The following TMEM156 variants were observed in gnomAD, a reference collection of about 807,000 sequenced individuals.
The protein encoded by TMEM156 is transmembrane protein 156.
A neutral mutation model predicts 30.5 loss-of-function variants in TMEM156; 28 were observed. The observed-to-expected ratio is 0.92, with a 90% CI of 0.68 to 1.26. The LOEUF is 1.26. TMEM156 is among the 50% of genes most tolerant of loss of function. The pLI, the probability that TMEM156 is intolerant of heterozygous loss-of-function variation, is 0.00. For missense variants in TMEM156, 351 were observed against 340.6 expected (o/e 1.03, Z -0.24); for synonymous variants, 137 against 119.9 (o/e 1.14, Z -0.93).
intron 1 of TMEM156, among the ~76,000 whole-genome samples, chr4:39,009,690 TC>T: frequency 6.6e-6 from 1 of 152,104 alleles, no homozygotes; most frequent in East Asian, 1.9e-4. Context: ...TTCAATAAAA[TC>T]CAACATTTTT....
intron 1 of TMEM156, among the ~76,000 whole-genome samples, chr4:39,003,717 C>T (rs1014076426): frequency 6.6e-6 from 1 of 152,136 alleles, no homozygotes; most frequent in African/African-American, 2.4e-5. Flanking sequence ...TCTGATGGAA[C>T]TCCATAATCT....
chr4:38,969,473 C>T (rs1722495825), intron 6 of TMEM156, among the ~76,000 whole-genome samples: 1 of 152,232 alleles, frequency 6.6e-6, no homozygotes, highest in African/African-American at 2.4e-5. Flanking sequence ...ATCCATTCAC[C>T]TGTTGATGGG....
At chr4:39,024,460 G>T (rs985711753) in intron 1 of TMEM156, among the ~76,000 whole-genome samples, 3 of 152,192 alleles carry the variant, frequency 2.0e-5, no homozygotes, top group African/African-American at 7.2e-5. Context: ...TAAAGAAAAT[G>T]TGGTATTATA....
intron 3 of TMEM156, among the ~76,000 whole-genome samples, chr4:38,992,982 C>T (rs1484576699): frequency 2.0e-5 from 3 of 150,716 alleles, no homozygotes; most frequent in South Asian, 4.2e-4. Context: ...AGGATGGTCT[C>T]GAACTCCTGA....
intron 1 of TMEM156, among the ~76,000 whole-genome samples, chr4:39,020,268 G>C (rs898576575): frequency 6.6e-6 from 1 of 152,158 alleles, no homozygotes; most frequent in East Asian, 1.9e-4. Flanking sequence ...ATGGATATGG[G>C]AGTTCAGAGT....
At chr4:38,984,758 C>A (rs1266829042) in intron 5 of TMEM156, among the ~76,000 whole-genome samples, 1 of 152,044 alleles carries the variant, frequency 6.6e-6, no homozygotes, top group African/African-American at 2.4e-5. Flanking sequence ...GACGCTAAGC[C>A]TCAAAAGGGT....
At chr4:39,006,992 G>A (rs1713783516) in intron 1 of TMEM156, among the ~76,000 whole-genome samples, 1 of 152,024 alleles carries the variant, frequency 6.6e-6, no homozygotes, top group Non-Finnish European at 1.5e-5. Flanking sequence ...TATACAGTAC[G>A]ATGTGTGGAA....
At chr4:38,985,852 A>C (rs1711942687) in intron 5 of TMEM156, among the ~76,000 whole-genome samples, 3 of 152,134 alleles carry the variant, frequency 2.0e-5, no homozygotes, top group Admixed American at 2.0e-4. Flanking sequence ...AGCCCCCATC[A>C]CTGCTCTAAT....
chr4:39,011,841 A>G (rs1167529011), intron 1 of TMEM156, among the ~76,000 whole-genome samples: 3 of 152,202 alleles, frequency 2.0e-5, no homozygotes, highest in Non-Finnish European at 4.4e-5. Context: ...AGCCATAAAA[A>G]AGATTGAAAT....
At chr4:38,970,362 T>A (rs1722538944) in intron 6 of TMEM156, among the ~76,000 whole-genome samples, 2 of 152,120 alleles carry the variant, frequency 1.3e-5, no homozygotes, top group Non-Finnish European at 2.9e-5. Flanking sequence ...CAATATCAAT[T>A]TCCTGATAGG....
intron 1 of TMEM156, among the ~76,000 whole-genome samples, chr4:39,021,101 G>A (rs1370982174): frequency 6.6e-6 from 1 of 152,118 alleles, no homozygotes; most frequent in Admixed American, 6.5e-5. Context: ...CCATTTGTAT[G>A]TCTTCTTTCA....
chr4:38,985,121 C>T (rs1028461201), intron 5 of TMEM156, among the ~76,000 whole-genome samples: 21 of 152,196 alleles, frequency 1.4e-4, no homozygotes, highest in African/African-American at 5.1e-4. Flanking sequence ...AAACTGTCCT[C>T]ATATTTGGAC....
chr4:38,986,611 A>AGCCTGTCCT (rs1712005279), intron 4 of TMEM156, among the ~76,000 whole-genome samples, 192 bp from the exon 5 acceptor site: 1 of 151,862 alleles, frequency 6.6e-6, no homozygotes, highest in South Asian at 2.1e-4. Context: ...GTTCGAACCC[A>AGCCTGTCCT]GCCTGGCCAA....
Position 38,968,078 on chromosome 4 carries a change from C to T in TMEM156, c.*39-437G>A, listed in dbSNP as rs142801120. Among the ~76,000 whole-genome samples, 293 of 152,298 alleles carry T rather than the reference C, an allele frequency of 1.9e-3. 2 individuals are homozygous for T. Among genetic ancestry groups the T allele is most frequent in the African/African-American group, 6.2e-3 (259 of 41,560 alleles). On this transcript the variant is annotated intron_variant, in intron 6 of 6. Coordinates refer to ENST00000381938, the MANE Select transcript of TMEM156 (RefSeq NM_024943.3). The stretch of plus-strand genomic sequence containing the variant: ...TGACCCCAGGACTGATTCTGTGTTA[C>T]GCCATGACACCCCCCATTATATCCC...
chr4:38,986,814 A>G (rs1418060938), intron 4 of TMEM156, among the ~76,000 whole-genome samples: 200 of 69,306 alleles, frequency 2.9e-3, no homozygotes, highest in African/African-American at 0.012. Flanking sequence ...TCTCAAAAAA[A>G]AAAAAAAAAA....
Position 38,988,899 on chromosome 4 carries a change from T to G in TMEM156, c.691A>C (p.Thr231Pro). The stretch of plus-strand genomic sequence containing the variant: ...TGGCCTTCAAGTATTTTGCGGATAG[T>G]GAGGATGATCAAAAATATAAAAACT... ...LLVFIFLIILTIRKILEGQRR... is the reference protein window; with the variant it reads ...LLVFIFLIILPIRKILEGQRR... The change falls in exon 4 of 7, where the codon ACT becomes CCT. Residue 231 changes from threonine (T) to proline (P), a missense_variant. Coordinates refer to ENST00000381938, the MANE Select transcript of TMEM156 (RefSeq NM_024943.3). The G allele has an allele frequency of 6.2e-7, 1 of 1,614,018 alleles. No homozygotes were observed. The highest frequency in any genetic ancestry group is 8.5e-7 in the Non-Finnish European group (1 of 1,179,952).
At chr4:39,004,096 G>C (rs1201535383) in intron 1 of TMEM156, among the ~76,000 whole-genome samples, 2 of 152,084 alleles carry the variant, frequency 1.3e-5, no homozygotes, top group Non-Finnish European at 2.9e-5. Context: ...TTTGCTATCA[G>C]GTGGACTATA....
At chr4:39,017,669 T>G (rs1266579334) in intron 1 of TMEM156, among the ~76,000 whole-genome samples, 5 of 152,188 alleles carry the variant, frequency 3.3e-5, no homozygotes, top group African/African-American at 1.2e-4. Context: ...GATTTATAAT[T>G]GTCTTTTTAA....
intron 1 of TMEM156, among the ~76,000 whole-genome samples, chr4:39,025,251 G>A (rs982666604): frequency 2.0e-5 from 3 of 151,362 alleles, no homozygotes; most frequent in East Asian, 1.9e-4. Flanking sequence ...GGCAGGCTGC[G>A]GCAGAAGAAT....
Sources: gnomAD v4.1 joint callset for allele counts (sites outside exome capture counted in the v4.1 genomes callset) on GRCh38, gnomAD v4.1.1 for gene constraint, MANE v1.5 for transcripts, NCBI Gene and HGNC (gene_info 2026-07-23, HGNC 2026-07-21) for gene names.